MCC: variants seen among roughly 807,000 people sequenced by gnomAD.
MCC encodes the protein MCC regulator of Wnt signaling pathway, also known as colorectal mutant cancer protein.
In MCC, 90 loss-of-function variants were observed where a neutral mutation model predicts 116.2. The ratio of observed to expected loss-of-function variants is 0.77; its 90% confidence interval spans 0.65 to 0.92. The LOEUF (loss-of-function observed/expected upper bound fraction) is 0.92, where lower values mean the gene tolerates loss of function less well. Ranked by LOEUF, MCC falls within the 40% of genes least tolerant of loss-of-function variation. The probability of loss-of-function intolerance (pLI) is 0.00; values close to 1 mark genes in which losing one functional copy is unlikely to be tolerated. For synonymous variants in MCC, 578 were observed against 510.5 expected (o/e 1.13, Z -1.78); for missense variants, 1,516 against 1,312.2 (o/e 1.16, Z -2.40).
intron 3 of MCC, among the ~76,000 whole-genome samples, chr5:113,308,427 A>C (rs1201624487): frequency 6.6e-6 from 1 of 152,186 alleles, no homozygotes. Context: ...GAGTTGGTAC[A>C]TGACTACTGC....
rs201194198 is a variant in MCC, at chr5:113,028,659, A to G, written c.2879+275T>C. The stretch of plus-strand genomic sequence containing the variant: ...TATATGACTTCTCAGAACATTTAAG[A>G]TACATAATACCAGGAGGCATATACC... On this transcript the variant is annotated intron_variant, in intron 18 of 18. Transcript: ENST00000408903. Among the ~76,000 whole-genome samples, 7 of 152,198 alleles carry G rather than the reference A, an allele frequency of 4.6e-5. No individual in the cohort carries two copies. In the East Asian group the frequency reaches 1.3e-3, roughly 29 times the overall value.
chr5:113,455,904 T>C (rs1027037676), intron 1 of MCC, among the ~76,000 whole-genome samples: 1 of 152,188 alleles, frequency 6.6e-6, no homozygotes, highest in Non-Finnish European at 1.5e-5. Context: ...TATCCCTATA[T>C]ATTTTGGAAA....
intron 3 of MCC, among the ~76,000 whole-genome samples, chr5:113,182,769 G>A (rs1026855692): frequency 3.3e-5 from 5 of 152,110 alleles, no homozygotes; most frequent in Admixed American, 2.0e-4. Context: ...CCGGTGCCTC[G>A]CACAAGGCCT....
intron 3 of MCC, among the ~76,000 whole-genome samples, chr5:113,208,560 C>T (rs1377867956): frequency 1.3e-5 from 2 of 152,092 alleles, no homozygotes; most frequent in Non-Finnish European, 2.9e-5. Flanking sequence ...TGGGATTAGA[C>T]TTCCATTACT....
Position 113,064,152 on chromosome 5 carries a change from T to TC in MCC, c.2044dup (p.Asp682GlyfsTer2). ...CTTGAGCATCTGAGTGATGTTTTCATCCCCCGACTGGTCTCCTATGTGGCA... is the reference window on the plus strand; with the variant it reads ...CTTGAGCATCTGAGTGATGTTTTCATCCCCCCGACTGGTCTCCTATGTGGCA... On this transcript the variant is annotated frameshift_variant, in exon 14 of 19. Coordinates refer to ENST00000408903, the MANE Select transcript of MCC (RefSeq NM_001085377.2). LOFTEE classifies it high-confidence loss of function. 6.2e-7 allele frequency: 1 copy of TC among 1,611,838 alleles called. No homozygotes were observed.
chr5:113,066,095 T>G (rs1280535641), intron 13 of MCC, among the ~76,000 whole-genome samples: 1 of 152,248 alleles, frequency 6.6e-6, no homozygotes, highest in Non-Finnish European at 1.5e-5. Flanking sequence ...AATGTATACA[T>G]GAACTTCCCA....
intron 8 of MCC, among the ~76,000 whole-genome samples, chr5:113,098,059 A>C (rs1756144874): frequency 6.6e-6 from 1 of 152,226 alleles, no homozygotes; most frequent in Non-Finnish European, 1.5e-5. Context: ...ATTTCTAGAA[A>C]ATCTCAGAAG....
intron 3 of MCC, among the ~76,000 whole-genome samples, chr5:113,167,504 A>G (rs1403578756): frequency 6.6e-6 from 1 of 152,228 alleles, no homozygotes; most frequent in Non-Finnish European, 1.5e-5. Flanking sequence ...GGCTAGAGTG[A>G]AAAAGGGAAA....
intron 3 of MCC, among the ~76,000 whole-genome samples, chr5:113,250,867 C>A (rs1331254790): frequency 6.6e-6 from 1 of 152,096 alleles, no homozygotes; most frequent in African/African-American, 2.4e-5. Flanking sequence ...ACAAAGGGAA[C>A]TCCCTAGGAT....
intron 3 of MCC, chr5:113,323,291 T>C (rs2150371924): frequency 6.6e-6 from 1 of 152,370 alleles, no homozygotes; most frequent in East Asian, 1.9e-4. Flanking sequence ...AATAAATGTT[T>C]ATTGTTTAAA....
chr5:113,026,222 C>T lies in MCC; in HGVS notation c.*1080G>A, dbSNP rs993486394. ...AAAAAAGAAGCCTTAACTACCATTC[C>T]CTCACTCTGTCCCCGTCATGACAAC... On this transcript the variant is annotated 3_prime_UTR_variant, in exon 19 of 19. Coordinates refer to ENST00000408903, the MANE Select transcript of MCC (RefSeq NM_001085377.2). 6.6e-6 allele frequency: 1 copy of T among 152,228 alleles called. No individual in the cohort carries two copies. Among genetic ancestry groups the T allele is most frequent in the African/African-American group, 2.4e-5 (1 of 41,454 alleles). The allele number at this position is 152,228 out of a possible 1,614,324, so 9.4% of individuals were successfully genotyped here.
chr5:113,357,764 T>C (rs11951897), intron 2 of MCC, among the ~76,000 whole-genome samples: 4,046 of 152,238 alleles, frequency 0.027, 186 homozygotes, highest in African/African-American at 0.092. Flanking sequence ...TACACTATGC[T>C]TGCAGCCCCT....
At chr5:113,065,839 C>A (rs368637520) in intron 13 of MCC, among the ~76,000 whole-genome samples, 8 of 152,198 alleles carry the variant, frequency 5.3e-5, no homozygotes, top group African/African-American at 1.9e-4. Flanking sequence ...CTCCTGTCAG[C>A]GGAATGCAAG....
At position 113,202,557 on chromosome 5, in the gene MCC, C is replaced by T. The variant is rs76480666; in HGVS notation, c.628-51135G>A. On this transcript the variant is annotated intron_variant, in intron 3 of 18. Coordinates refer to ENST00000408903, the MANE Select transcript of MCC (RefSeq NM_001085377.2). Reference sequence around the variant, plus strand: ...ATTTATTAGCAGTCATTCAGATACGCCGACAGTGTATTTGCAGGGGACACA... The same window carrying T: ...ATTTATTAGCAGTCATTCAGATACGTCGACAGTGTATTTGCAGGGGACACA... Among the ~76,000 whole-genome samples the T allele has an allele frequency of 3.2e-4, 49 of 152,248 alleles. No homozygotes were observed. In the East Asian group the frequency reaches 7.9e-3, roughly 25 times the overall value.
At chr5:113,405,736 A>C (rs6887482) in intron 1 of MCC, among the ~76,000 whole-genome samples, 26,029 of 151,932 alleles carry the variant, frequency 0.17, 2,447 homozygotes, top group Non-Finnish European at 0.22. Flanking sequence ...GAGCTCAGGA[A>C]TGCGAGCCTG....
intron 5 of MCC, among the ~76,000 whole-genome samples, chr5:113,142,004 C>T (rs530307564): frequency 4.6e-5 from 7 of 152,284 alleles, no homozygotes; most frequent in African/African-American, 1.4e-4. Context: ...GTACTTCTAA[C>T]CTACAATCAC....
At chr5:113,443,212 C>T (rs1429164873) in intron 1 of MCC, among the ~76,000 whole-genome samples, 1 of 152,174 alleles carries the variant, frequency 6.6e-6, no homozygotes, top group Non-Finnish European at 1.5e-5. Flanking sequence ...AGGTCCTTCA[C>T]ATTGCTTGTA....
intron 3 of MCC, among the ~76,000 whole-genome samples, chr5:113,276,592 T>C (rs1459090263): frequency 2.0e-5 from 3 of 152,234 alleles, no homozygotes; most frequent in Non-Finnish European, 2.9e-5. Context: ...CTGTATATTA[T>C]GATATATAAG....
At chr5:113,414,067 T>C (rs548476112) in intron 1 of MCC, among the ~76,000 whole-genome samples, 1 of 152,194 alleles carries the variant, frequency 6.6e-6, no homozygotes, top group Admixed American at 6.5e-5. Flanking sequence ...TCAGTTTCCA[T>C]GTAGTTGTGC....
Sources: gnomAD v4.1 joint callset for allele counts (sites outside exome capture counted in the v4.1 genomes callset) on GRCh38, gnomAD v4.1.1 for gene constraint, MANE v1.5 for transcripts, NCBI Gene and HGNC (gene_info 2026-07-23, HGNC 2026-07-21) for gene names.